YWHAQ: variants seen among roughly 807,000 people sequenced by gnomAD.
The protein encoded by YWHAQ is tyrosine 3-monooxygenase/tryptophan 5-monooxygenase activation protein theta, also known as 14-3-3 protein theta.
In YWHAQ, 6 loss-of-function variants were observed where a neutral mutation model predicts 28.3. That is an observed-to-expected ratio of 0.21 (90% CI 0.12 to 0.42). The LOEUF (loss-of-function observed/expected upper bound fraction) is 0.42, where lower values mean the gene tolerates loss of function less well. YWHAQ is among the 10% of genes least tolerant of loss of function. The probability of loss-of-function intolerance (pLI) is 1.00; values close to 1 mark genes in which losing one functional copy is unlikely to be tolerated. For missense variants in YWHAQ, 201 were observed against 305.6 expected, an observed-to-expected ratio of 0.66 and a Z score of 2.55; for synonymous variants, 143 against 119.1, an observed-to-expected ratio of 1.20 and a Z score of -1.31.
chr2:9,597,985 ATTTTTTTTTT>A lies in YWHAQ; in HGVS notation c.295-6480_295-6471del, dbSNP rs547582835. Among the ~76,000 whole-genome samples the A allele has an allele frequency of 2.7e-4, 17 of 62,480 alleles. 1 individual carries two copies. The highest frequency in any genetic ancestry group is 1.8e-3 in the South Asian group (3 of 1,624). The allele number at this position is 62,480 out of a possible 152,430, so 41.0% of individuals were successfully genotyped here. ...CAGGCATGCACCACCATGCCGGGCT[ATTTTTTTTTT>A]TTTTTTTTTTTTTTTTTTAGTAGAG... On this transcript the variant is annotated intron_variant, in intron 2 of 5. Coordinates refer to ENST00000238081, the MANE Select transcript of YWHAQ (RefSeq NM_006826.4).
intron 2 of YWHAQ, among the ~76,000 whole-genome samples, chr2:9,622,612 T>C (rs150894557): frequency 3.7e-4 from 57 of 152,294 alleles, no homozygotes; most frequent in African/African-American, 1.3e-3. Context: ...AAACTTATAA[T>C]AGGGAATTTT....
intron 2 of YWHAQ, among the ~76,000 whole-genome samples, chr2:9,605,547 T>C (rs773847789): frequency 2.6e-5 from 4 of 152,296 alleles, no homozygotes; most frequent in Non-Finnish European, 4.4e-5. Flanking sequence ...TAGTTTCTTG[T>C]ACATTCTTTT....
At chr2:9,602,829 TAAAAAAAAAAAAAAAAAAAA>T (rs869073430) in intron 2 of YWHAQ, among the ~76,000 whole-genome samples, 136 of 37,124 alleles carry the variant, frequency 3.7e-3, no homozygotes, top group East Asian at 6.0e-3. Context: ...ATGCCTAATT[TAAAAAAAAAAAAAAAAAAAA>T]AAAAAAAAAA....
chr2:9,630,539 G>C lies in YWHAQ; in HGVS notation c.-82-5C>G. 7.6e-7 allele frequency: 1 copy of C among 1,311,940 alleles called. No homozygotes were observed. Among genetic ancestry groups the C allele is most frequent in the South Asian group, 1.5e-5 (1 of 65,810 alleles). 81.3% of individuals were successfully genotyped at this position (1,311,940 alleles called of 1,614,324 possible). ...CAGCGGGAGGAGCCTCGAGAGCTGCGGAGGGGCGGGGCGGCGAGGCGAGAA... is the reference window on the plus strand; with the variant it reads ...CAGCGGGAGGAGCCTCGAGAGCTGCCGAGGGGCGGGGCGGCGAGGCGAGAA... On this transcript the variant is annotated splice_polypyrimidine_tract_variant and splice_region_variant and intron_variant, in intron 1 of 5. Transcript: ENST00000238081. This position sits in a 1 kb window ranked among gnomAD's most constrained non-coding sequence, Gnocchi z 5.6.
Position 9,587,578 on chromosome 2 carries a change from C to T in YWHAQ, c.583-69G>A, listed in dbSNP as rs1666370320. The T allele has an allele frequency of 1.1e-5, 16 of 1,405,896 alleles. No individual in the cohort carries two copies. The South Asian group carries it at 2.0e-4, about 18-fold the overall frequency. The allele number at this position is 1,405,896 out of a possible 1,614,324, so 87.1% of individuals were successfully genotyped here. Reference sequence around the variant, plus strand: ...AAACTGGTTATTCTACAATTACAAACCATTTTTACAAAATAAGTGAACACC... The same window carrying T: ...AAACTGGTTATTCTACAATTACAAATCATTTTTACAAAATAAGTGAACACC... On this transcript the variant is annotated intron_variant, in intron 4 of 5. Coordinates refer to ENST00000238081, the MANE Select transcript of YWHAQ (RefSeq NM_006826.4).
intron 3 of YWHAQ, among the ~76,000 whole-genome samples, chr2:9,590,531 T>A (rs1316989533): frequency 6.6e-6 from 1 of 152,148 alleles, no homozygotes; most frequent in African/African-American, 2.4e-5. Context: ...GACTGACACT[T>A]CTAATACCTA....
intron 2 of YWHAQ, among the ~76,000 whole-genome samples, chr2:9,607,743 A>AG (rs920025815): frequency 9.6e-5 from 13 of 134,960 alleles, no homozygotes; most frequent in African/African-American, 3.8e-4. Flanking sequence ...ACAGAGTCTC[A>AG]GTCTGTCACC....
chr2:9,585,356 A>C lies in YWHAQ; in HGVS notation c.679-11T>G, dbSNP rs184806272. The C allele has an allele frequency of 2.6e-4, 422 of 1,614,032 alleles. No individual in the cohort carries two copies. The African/African-American group carries it at 4.5e-3, about 17-fold the overall frequency. ...GTCTGATGTCCAAAGCTAGAAAAAG[A>C]AGAATCATATTAAGTTACTATTTCT... On this transcript the variant is annotated splice_polypyrimidine_tract_variant and intron_variant, in intron 5 of 5. Transcript: ENST00000238081.
At chr2:9,613,439 T>C (rs1010584356) in intron 2 of YWHAQ, among the ~76,000 whole-genome samples, 4 of 152,192 alleles carry the variant, frequency 2.6e-5, no homozygotes, top group Admixed American at 2.0e-4. Flanking sequence ...ACTGTAGTTA[T>C]AGTGAAAGCA....
chr2:9,623,872 A>G (rs17453724), intron 2 of YWHAQ, among the ~76,000 whole-genome samples: 26,522 of 152,196 alleles, frequency 0.17, 2,588 homozygotes, highest in Middle Eastern at 0.24. Context: ...CCGTTCATCA[A>G]TTTTCACTGC....
At chr2:9,628,687 T>A (rs1266217634) in intron 2 of YWHAQ, 3 of 152,236 alleles carry the variant, frequency 2.0e-5, no homozygotes, top group Non-Finnish European at 2.9e-5. Context: ...TTACTCAAGT[T>A]GAAGTCTACC....
intron 3 of YWHAQ, among the ~76,000 whole-genome samples, chr2:9,590,497 A>G (rs1666434514): frequency 6.6e-6 from 1 of 152,144 alleles, no homozygotes; most frequent in East Asian, 1.9e-4. Flanking sequence ...AGAACAAAAC[A>G]ACAAACTTAC....
rs528755760 is a variant in YWHAQ, at chr2:9,600,531, C to A, written c.295-9016G>T. ...GACCAGCCTGACCAACATGGAGAAA[C>A]CCCATCTCTACTAAAAATACAAAAT... On this transcript the variant is annotated intron_variant, in intron 2 of 5. Coordinates refer to ENST00000238081, the MANE Select transcript of YWHAQ (RefSeq NM_006826.4). Among the ~76,000 whole-genome samples, 8 of 152,094 alleles carry A rather than the reference C, an allele frequency of 5.3e-5. No homozygotes were observed. In the South Asian group the frequency reaches 1.7e-3, roughly 32 times the overall value.
At chr2:9,610,313 T>C (rs768975285) in intron 2 of YWHAQ, among the ~76,000 whole-genome samples, 43 of 152,208 alleles carry the variant, frequency 2.8e-4, no homozygotes, top group African/African-American at 3.9e-4. Flanking sequence ...TGTATCTCAG[T>C]TTCTTCATCT....
At chr2:9,616,196 A>C (rs894062617) in intron 2 of YWHAQ, among the ~76,000 whole-genome samples, 2 of 152,176 alleles carry the variant, frequency 1.3e-5, no homozygotes, top group Non-Finnish European at 2.9e-5. Flanking sequence ...TAAGTGTGAG[A>C]ATTTCAGATC....
At chr2:9,586,567 C>A (rs1301484623) in intron 5 of YWHAQ, among the ~76,000 whole-genome samples, 1 of 152,216 alleles carries the variant, frequency 6.6e-6, no homozygotes, top group Non-Finnish European at 1.5e-5. Flanking sequence ...GAACTATTTG[C>A]TGATCATCTT....
Position 9,630,317 on chromosome 2 carries a change from C to T in YWHAQ, c.136G>A (p.Val46Met). ...LSNEERNLLS[V>M]AYKNVVGGRR... is the part of the protein sequence containing the mutation. ...CCCCCGACCACGTTCTTGTAGGCCA[C>T]GGAGAGCAGGTTGCGCTCCTCGTTG... The change falls in exon 2 of 6, where the codon GTG (valine) becomes ATG (methionine). Residue 46 changes from valine (V) to methionine (M), a missense_variant. Val to Met is a conservative substitution (Grantham distance 21). Coordinates refer to ENST00000238081, the MANE Select transcript of YWHAQ (RefSeq NM_006826.4). This position sits in a 1 kb window ranked among gnomAD's most constrained non-coding sequence, Gnocchi z 5.6. 6.2e-7 allele frequency: 1 copy of T among 1,614,168 alleles called. No homozygotes were observed. Among genetic ancestry groups the T allele is most frequent in the Non-Finnish European group, 8.5e-7 (1 of 1,180,042 alleles).
chr2:9,622,464 T>TG (rs1195390966), intron 2 of YWHAQ, among the ~76,000 whole-genome samples: 4 of 152,218 alleles, frequency 2.6e-5, no homozygotes, highest in Non-Finnish European at 4.4e-5. Context: ...GTTTATCAAT[T>TG]TTCCTACTAG....
chr2:9,589,355 AG>A (rs1258274156), intron 3 of YWHAQ, among the ~76,000 whole-genome samples: 1 of 152,160 alleles, frequency 6.6e-6, no homozygotes, highest in African/African-American at 2.4e-5. Flanking sequence ...AGGCTGAGGC[AG>A]GCAGATCACC....
Sources: gnomAD v4.1 joint callset for allele counts (sites outside exome capture counted in the v4.1 genomes callset) on GRCh38, gnomAD v4.1.1 for gene constraint, Gnocchi (gnomAD v3.1) non-coding constraint, MANE v1.5 for transcripts, NCBI Gene and HGNC (gene_info 2026-07-23, HGNC 2026-07-21) for gene names.